The following HNRNPL variants were observed in gnomAD, a reference collection of about 807,000 sequenced individuals.
The protein encoded by HNRNPL is epididymis secretory sperm binding protein.
HNRNPL carries 12 observed loss-of-function variants against 64.0 expected under a neutral mutation model. The observed-to-expected ratio is 0.19, with a 90% CI of 0.12 to 0.30. The LOEUF is 0.30. Ranked by LOEUF, HNRNPL falls within the 10% of genes least tolerant of loss-of-function variation. The probability of loss-of-function intolerance (pLI) is 1.00; values close to 1 mark genes in which losing one functional copy is unlikely to be tolerated. For missense variants in HNRNPL, 484 were observed against 797.4 expected (o/e 0.61, Z 4.73); for synonymous variants, 385 against 313.0 (o/e 1.23, Z -2.43).
chr19:38,838,511 C>G lies in HNRNPL; in HGVS notation c.1443G>C (p.Arg481=). 4 of 1,614,132 alleles carry G rather than the reference C, an allele frequency of 2.5e-6. No homozygotes were observed. The South Asian group carries it at 3.3e-5, about 13-fold the overall frequency. ...GCTCTGGGGTGGAGAACCGATTGTT[C>G]CGGGATTCACTGAAGTCTTTGTAAC... The part of the protein sequence containing the change: ...SCSYKDFSES[R]NNRFSTPEQA... Residue 481 remains arginine (R), a synonymous_variant, in exon 10 of 13, where the codon CGG becomes CGC. Coordinates refer to ENST00000221419, the MANE Select transcript of HNRNPL (RefSeq NM_001533.3).
intron 8 of HNRNPL, chr19:38,839,653 A>C (rs926651246): frequency 1.1e-5 from 2 of 186,256 alleles, no homozygotes; most frequent in Admixed American, 5.4e-5. Flanking sequence ...CCCAAGACCC[A>C]GACGGGTTTA....
At chr19:38,850,615 T>A (rs1972478582), upstream of HNRNPL, among the ~76,000 whole-genome samples, 2 of 152,172 alleles carry the variant, frequency 1.3e-5, no homozygotes, top group Non-Finnish European at 2.9e-5. Flanking sequence ...CATGCGCAAA[T>A]ACGCTTTCAG....
At chr19:38,844,453 T>TC (rs553535434) in intron 4 of HNRNPL, among the ~76,000 whole-genome samples, 6 of 152,132 alleles carry the variant, frequency 3.9e-5, no homozygotes, top group Non-Finnish European at 8.8e-5. Flanking sequence ...GCCCTGAAAG[T>TC]CCATCAGTGG....
At chr19:38,850,545 G>A (rs1972475837), upstream of HNRNPL, among the ~76,000 whole-genome samples, 1 of 152,342 alleles carries the variant, frequency 6.6e-6, no homozygotes, top group East Asian at 1.9e-4. Flanking sequence ...GAAATGGGGA[G>A]CCCCGCCCCA....
chr19:38,841,678 C>T, intron 6 of HNRNPL: 1 of 1,273,098 alleles, frequency 7.9e-7, no homozygotes, highest in Non-Finnish European at 1.0e-6. Flanking sequence ...ACATACACTG[C>T]GACCCTGCAT....
rs1971960057 is a variant in HNRNPL, at chr19:38,837,275, G to GCGAAGATC, written c.1711+101_1711+108dup. The stretch of plus-strand genomic sequence containing the variant: ...CCCACCTGCCTGTGTCACCAACAGT[G>GCGAAGATC]CGAAGATCCCGGGGTCCTATCTCAA... On this transcript the variant is annotated intron_variant, in intron 12 of 12. Coordinates refer to ENST00000221419, the MANE Select transcript of HNRNPL (RefSeq NM_001533.3). 1.3e-5 allele frequency: 11 copies of GCGAAGATC among 819,488 alleles called. No homozygotes were observed. In the South Asian group the frequency reaches 1.5e-4, roughly 11 times the overall value. The allele number at this position is 819,488 out of a possible 1,614,324, so 50.8% of individuals were successfully genotyped here.
intron 6 of HNRNPL, chr19:38,840,762 CCTGCTCATACCAAAGGGCTGG>C: frequency 1.7e-6 from 1 of 589,160 alleles, no homozygotes. Flanking sequence ...CTCTCCTTCC[CCTGCTCATACCAAAGGGCTGG>C]CCTTGTTCTG....
At chr19:38,849,370 C>CGAAGAAAATGATAAAGGG (rs1257817771) in intron 1 of HNRNPL, 3 of 272,908 alleles carry the variant, frequency 1.1e-5, no homozygotes, top group African/African-American at 6.6e-5. Flanking sequence ...ATGGAGCCAG[C>CGAAGAAAATGATAAAGGG]GAAGAAAATG....
chr19:38,844,533 A>G (rs1483669270), intron 4 of HNRNPL, among the ~76,000 whole-genome samples: 1 of 152,022 alleles, frequency 6.6e-6, no homozygotes, highest in Non-Finnish European at 1.5e-5. Context: ...TCCAATGTCT[A>G]TTCCAAACCC....
chr19:38,837,061 G>A, intron 12 of HNRNPL: 1 of 545,386 alleles, frequency 1.8e-6, no homozygotes, highest in South Asian at 2.4e-5. Context: ...TTACCTGCTG[G>A]ATAGTGTTGC....
chr19:38,845,848 C>A lies in HNRNPL; in HGVS notation c.624+5G>T, dbSNP rs369572768. On this transcript the variant is annotated splice_donor_5th_base_variant and intron_variant, in intron 3 of 12. Coordinates refer to ENST00000221419, the MANE Select transcript of HNRNPL (RefSeq NM_001533.3). ...ACCTCACAAGAAATGCCTGCTGGCA[C>A]GTACCGTGGTGATCGAATAAATGGG... 46 of 1,611,180 alleles carry A rather than the reference C, an allele frequency of 2.9e-5. No individual in the cohort carries two copies. The highest frequency in any genetic ancestry group is 3.8e-5 in the Non-Finnish European group (45 of 1,177,346).
chr19:38,836,852 G>T, intron 12 of HNRNPL, 72 bp from the exon 13 acceptor site: 1 of 1,134,784 alleles, frequency 8.8e-7, no homozygotes, highest in Non-Finnish European at 1.3e-6. Context: ...CCTCAAGTTT[G>T]TACCCATCTC....
intron 1 of HNRNPL, among the ~76,000 whole-genome samples, chr19:38,848,465 T>C (rs1173147000): frequency 6.6e-6 from 1 of 152,150 alleles, no homozygotes; most frequent in Non-Finnish European, 1.5e-5. Flanking sequence ...CTAAGAGAAG[T>C]ATCTTACACC....
rs958848997 is a variant in HNRNPL at position 38,836,506 on chromosome 19, T to C, written c.*216A>G. ...ACAATAATTTTTTAAAAGTGAAGGT[T>C]AATCTTGGGAGATAACAGTTCCCCT... On this transcript the variant is annotated 3_prime_UTR_variant, in exon 13 of 13. Transcript: ENST00000221419. 1 of 414,430 alleles carries C rather than the reference T, an allele frequency of 2.4e-6. No individual in the cohort carries two copies. The highest frequency in any genetic ancestry group is 4.3e-6 in the Non-Finnish European group (1 of 233,072). 25.7% of individuals were successfully genotyped at this position (414,430 alleles called of 1,614,324 possible). A position where few individuals can be genotyped will look rare whatever the true frequency, so the allele number is the denominator to read the frequency against.
Position 38,840,288 on chromosome 19 carries a change from T to C in HNRNPL, c.1041A>G (p.Pro347=), listed in dbSNP as rs1600052795. ...PPHYEGRRMG[P]PVGGHRRGPS... ...GGCCCCGACGGTGACCCCCCACTGG[T>C]GGACCCATCCTTCTCCCTTCGTAGT... Residue 347 remains proline (P), a synonymous_variant, in exon 8 of 13, where the codon CCA becomes CCG. Coordinates refer to ENST00000221419, the MANE Select transcript of HNRNPL (RefSeq NM_001533.3). 8 of 1,575,500 alleles carry C rather than the reference T, an allele frequency of 5.1e-6. No homozygotes were observed. The highest frequency in any genetic ancestry group is 6.9e-6 in the Non-Finnish European group (8 of 1,160,870).
chr19:38,837,752 C>G, intron 10 of HNRNPL, 101 bp from the exon 11 acceptor site: 1 of 1,000,752 alleles, frequency 1.0e-6, no homozygotes, highest in Non-Finnish European at 1.5e-6. Context: ...TTGAAGTTTT[C>G]AGGAGAAAAG....
Position 38,836,678 on chromosome 19 carries a change from AGAAAT to A in HNRNPL, c.*39_*43del. On this transcript the variant is annotated 3_prime_UTR_variant, in exon 13 of 13. Transcript: ENST00000221419. ...AAACAAAAAATGGCATAAAGGAAAGAGAAATGTCTTCCTGCTCAGATGGGACTCTT... is the reference window on the plus strand; with the variant it reads ...AAACAAAAAATGGCATAAAGGAAAGAGTCTTCCTGCTCAGATGGGACTCTT... 7.5e-7 allele frequency: 1 copy of A among 1,338,642 alleles called. No homozygotes were observed. The highest frequency in any genetic ancestry group is 1.0e-6 in the Non-Finnish European group (1 of 960,646). 82.9% of individuals were successfully genotyped at this position (1,338,642 alleles called of 1,614,324 possible).
chr19:38,849,308 C>T, intron 1 of HNRNPL: 1 of 202,354 alleles, frequency 4.9e-6, no homozygotes, highest in Non-Finnish European at 9.9e-6. Context: ...TCCCGCTCAC[C>T]AGGCGCTCCC....
rs377264472 is a variant in HNRNPL, at chr19:38,839,932, G to A, written c.1233+164C>T. Among the ~76,000 whole-genome samples, 50 of 152,222 alleles carry A rather than the reference G, an allele frequency of 3.3e-4. No homozygotes were observed. The South Asian group carries it at 6.0e-3, about 18-fold the overall frequency. ...AAACACAACACCCACATACAGTGAG[G>A]ACCAAACAAAACCCGTCTGCAAGCA... is the stretch of plus-strand genomic sequence containing the variant. On this transcript the variant is annotated intron_variant, in intron 8 of 12. Coordinates refer to ENST00000221419, the MANE Select transcript of HNRNPL (RefSeq NM_001533.3).
Sources: gnomAD v4.1 joint callset for allele counts (sites outside exome capture counted in the v4.1 genomes callset) on GRCh38, gnomAD v4.1.1 for gene constraint, MANE v1.5 for transcripts, NCBI Gene and HGNC (gene_info 2026-07-23, HGNC 2026-07-21) for gene names.